ANK1: variants seen among roughly 807,000 people sequenced by gnomAD.
ANK1 encodes the protein ankyrin 1.
ANK1 carries 51 observed loss-of-function variants against 210.4 expected under a neutral mutation model. The ratio of observed to expected loss-of-function variants is 0.24; its 90% CI spans 0.19 to 0.31. ANK1 has a LOEUF of 0.31. Ranked by LOEUF, ANK1 falls within the 10% of genes least tolerant of loss-of-function variation. The probability of loss-of-function intolerance (pLI) is 1.00; values close to 1 mark genes in which losing one functional copy is unlikely to be tolerated. For synonymous variants in ANK1, 967 were observed against 1,025.9 expected (o/e 0.94, Z 1.10); for missense variants, 2,051 against 2,504.4 (o/e 0.82, Z 3.86).
chr8:41,801,751 T>C (rs1849898396), upstream of ANK1, among the ~76,000 whole-genome samples: 1 of 152,238 alleles, frequency 6.6e-6, no homozygotes, highest in African/African-American at 2.4e-5. Flanking sequence ...TTCTCTGCAG[T>C]CTGAATACGA....
At chr8:41,709,606 G>A (rs1169546186) in intron 16 of ANK1, among the ~76,000 whole-genome samples, 4 of 152,206 alleles carry the variant, frequency 2.6e-5, no homozygotes, top group Admixed American at 6.5e-5. Flanking sequence ...TGGATCAAAC[G>A]TGATACTATA....
intron 10 of ANK1, 75 bp downstream of exon 10, chr8:41,719,586 C>A (rs1176881364): frequency 2.5e-6 from 4 of 1,596,020 alleles, no homozygotes; most frequent in Non-Finnish European, 3.4e-6. Flanking sequence ...TCCCACAGGC[C>A]CAGCCATGCC....
In ANK1 at chr8:41,797,420, G is replaced by A; in HGVS notation, c.27+92C>T. 8.2e-7 allele frequency: 1 copy of A among 1,215,548 alleles called. No homozygotes were observed. The highest frequency in any genetic ancestry group is 1.3e-5 in the South Asian group (1 of 76,660). The allele number at this position is 1,215,548 out of a possible 1,614,324, so 75.3% of individuals were successfully genotyped here. ...AGGCGAGGCGGGTGGGGTGTGCAAA[G>A]CTGCTCTTGCTCGCGTGCTGCCTAC... On this transcript the variant is annotated intron_variant, in intron 1 of 42. Transcript: ENST00000289734. The surrounding 1 kb of genome is among the most constrained non-coding windows in gnomAD (Gnocchi z 4.0).
chr8:41,884,953 G>A (rs1228612925), intron 1 of ANK1, among the ~76,000 whole-genome samples: 1 of 152,130 alleles, frequency 6.6e-6, no homozygotes. Flanking sequence ...GGGGAGGCTT[G>A]GGGAGGGGTG....
rs767398317 is a variant in ANK1 at position 41,708,804 on chromosome 8, G to C, written c.1972C>G (p.Gln658Glu). 1 of 1,613,922 alleles carries C rather than the reference G, an allele frequency of 6.2e-7. No homozygotes were observed. Among genetic ancestry groups the C allele is most frequent in the Non-Finnish European group, 8.5e-7 (1 of 1,180,042 alleles). The change falls in exon 17 of 43, where the codon CAA becomes GAA. Residue 658 changes from glutamine to glutamate, a missense_variant. By Grantham distance (29) the Gln-to-Glu change is conservative (BLOSUM62 2). Transcript: ENST00000289734. ...AEMVALLLSK[Q>E]ANGNLGNKSG... ...TTGTTCCCCAGGTTGCCATTGGCTT[G>C]TTTCGAGAGCAGCAGAGCCACCATC...
Position 41,797,571 on chromosome 8 carries a change from C to T in ANK1, c.-33G>A, listed in dbSNP as rs776534102. The T allele has an allele frequency of 2.5e-6, 4 of 1,612,502 alleles. No individual in the cohort carries two copies. In the East Asian group the frequency reaches 8.9e-5, roughly 36 times the overall value. On this transcript the variant is annotated 5_prime_UTR_variant, in exon 1 of 43. Coordinates refer to ENST00000289734, the MANE Select transcript of ANK1 (RefSeq NM_000037.4). The surrounding 1 kb of genome is among the most constrained non-coding windows in gnomAD (Gnocchi z 4.0). ...TTTCAGCAGGGGCCCGCCGAAGGGCCTTGGGGGCTTGAGGAGGAGCAGCTG... is the reference window on the plus strand; with the variant it reads ...TTTCAGCAGGGGCCCGCCGAAGGGCTTTGGGGGCTTGAGGAGGAGCAGCTG...
At position 41,822,087 on chromosome 8, in the gene ANK1, AGAGAGAGAGAGAG is replaced by A. The variant is rs1804403665; in HGVS notation, c.127-63963_127-63951del. The stretch of plus-strand genomic sequence containing the variant: ...GAAAGAGAGAGAGAGAGAGAGAGAG[AGAGAGAGAGAGAG>A]AGAGAGAGAGAGAGAAAGAAAGAGA... On this transcript the variant is annotated intron_variant, in intron 1 of 42. Coordinates refer to the ANK1 transcript ENST00000265709. Among the ~76,000 whole-genome samples, 10 of 69,084 alleles carry A rather than the reference AGAGAGAGAGAGAG, an allele frequency of 1.4e-4. 1 individual carries two copies. Among genetic ancestry groups the A allele is most frequent in the African/African-American group, 3.5e-4 (5 of 14,468 alleles). The allele number at this position is 69,084 out of a possible 152,430, so 45.3% of individuals were successfully genotyped here. A position where few individuals can be genotyped will look rare whatever the true frequency, so the allele number is the denominator to read the frequency against.
At chr8:41,874,116 T>G (rs1380288276) in intron 1 of ANK1, among the ~76,000 whole-genome samples, 1 of 152,200 alleles carries the variant, frequency 6.6e-6, no homozygotes, top group African/African-American at 2.4e-5. Flanking sequence ...GCTGGGGCCT[T>G]GAAAGGCAAC....
chr8:41,661,165 T>C (rs1807986562), intron 42 of ANK1: 1 of 485,472 alleles, frequency 2.1e-6, no homozygotes, highest in East Asian at 4.3e-5. Context: ...CATGAGCCAC[T>C]GTGCCCGGCC....
intron 23 of ANK1, 148 bp from the exon 24 acceptor site, chr8:41,698,269 C>G: frequency 1.3e-6 from 1 of 760,884 alleles, no homozygotes; most frequent in Non-Finnish European, 2.3e-6. Flanking sequence ...GCCTCCTCCT[C>G]CATGAAGTCC....
At chr8:41,801,728 C>T (rs900898074), upstream of ANK1, among the ~76,000 whole-genome samples, 2 of 152,122 alleles carry the variant, frequency 1.3e-5, no homozygotes, top group East Asian at 1.9e-4. Flanking sequence ...TTTTTCTTAT[C>T]GAGGTGGAGG....
chr8:41,704,001 G>T lies in ANK1; in HGVS notation c.2295+40C>A. 6.4e-7 allele frequency: 1 copy of T among 1,573,636 alleles called. No individual in the cohort carries two copies. Among genetic ancestry groups the T allele is most frequent in the South Asian group, 1.1e-5 (1 of 90,138 alleles). Reference sequence around the variant, plus strand: ...GAGTTCACACAGGGCTGCTGCCATGGGGAGCAGTTTTCTAAACTCAGGAGA... The same window carrying T: ...GAGTTCACACAGGGCTGCTGCCATGTGGAGCAGTTTTCTAAACTCAGGAGA... On this transcript the variant is annotated intron_variant, in intron 20 of 42. Transcript: ENST00000289734. This position sits in a 1 kb window ranked among gnomAD's most constrained non-coding sequence, Gnocchi z 4.1.
chr8:41,841,783 G>A lies in ANK1; in HGVS notation c.126+54572C>T, dbSNP rs115531754. Among the ~76,000 whole-genome samples the A allele has an allele frequency of 7.1e-3, 1,082 of 152,218 alleles. 17 individuals carry two copies. Among genetic ancestry groups the A allele is most frequent in the African/African-American group, 0.025 (1,042 of 41,518 alleles). On this transcript the variant is annotated intron_variant, in intron 1 of 42. Coordinates refer to the ANK1 transcript ENST00000265709. ...GACCCTTTCCGCCACACATCAAGACGGCTGCCCCTCTCTCTATTTCCTCCT... is the reference window on the plus strand; with the variant it reads ...GACCCTTTCCGCCACACATCAAGACAGCTGCCCCTCTCTCTATTTCCTCCT...
rs563429081 is a variant in ANK1 at position 41,875,950 on chromosome 8, G to A, written c.126+20405C>T. Among the ~76,000 whole-genome samples the A allele has an allele frequency of 7.8e-4, 118 of 152,082 alleles. 3 individuals are homozygous for A. The South Asian group carries it at 0.019, about 25-fold the overall frequency. ...AGGCTCCCCAGAGGGGCCGGCGCGC[G>A]CCCGGGCGCACACTCGCACACCTGC... On this transcript the variant is annotated intron_variant, in intron 1 of 42. Coordinates refer to the ANK1 transcript ENST00000265709.
At chr8:41,680,769 T>C (rs1815726623) in intron 37 of ANK1, among the ~76,000 whole-genome samples, 1 of 152,108 alleles carries the variant, frequency 6.6e-6, no homozygotes, top group Non-Finnish European at 1.5e-5. Flanking sequence ...GGAGTCACTA[T>C]GAAGCTGCAG....
intron 1 of ANK1, among the ~76,000 whole-genome samples, chr8:41,766,555 G>A (rs1171377424): frequency 1.3e-5 from 2 of 152,158 alleles, no homozygotes; most frequent in Non-Finnish European, 2.9e-5. Context: ...CTCTCAACCC[G>A]AACTCGGGAC....
At chr8:41,817,018 C>G (rs1803457991) in intron 1 of ANK1, among the ~76,000 whole-genome samples, 1 of 152,090 alleles carries the variant, frequency 6.6e-6, no homozygotes, top group African/African-American at 2.4e-5. Context: ...CAAATGGGAC[C>G]AGTGAAGTTT....
chr8:41,875,863 A>T (rs1816468766), intron 1 of ANK1, among the ~76,000 whole-genome samples: 1 of 152,166 alleles, frequency 6.6e-6, no homozygotes, highest in Non-Finnish European at 1.5e-5. Context: ...ACTGGGAAGC[A>T]GCCGGCACGA....
At chr8:41,758,693 T>C (rs1290471852) in intron 1 of ANK1, among the ~76,000 whole-genome samples, 1 of 151,904 alleles carries the variant, frequency 6.6e-6, no homozygotes, top group East Asian at 1.9e-4. Context: ...TCAGGAAGAA[T>C]CAGCCTTTGA....
Sources: gnomAD v4.1 joint callset for allele counts (sites outside exome capture counted in the v4.1 genomes callset) on GRCh38, gnomAD v4.1.1 for gene constraint, Gnocchi (gnomAD v3.1) non-coding constraint, MANE v1.5 for transcripts, NCBI Gene and HGNC (gene_info 2026-07-23, HGNC 2026-07-21) for gene names.